Variants in ZNF536 observed in about 807,000 individuals in gnomAD.
The protein encoded by ZNF536 is zinc finger protein 536.
In ZNF536, 13 loss-of-function variants were observed where a neutral mutation model predicts 84.5. The observed-to-expected ratio is 0.15, with a 90% CI of 0.10 to 0.24. The LOEUF is 0.24. Ranked by LOEUF, ZNF536 falls within the 10% of genes least tolerant of loss-of-function variation. The probability of loss-of-function intolerance (pLI) is 1.00; values close to 1 mark genes in which losing one functional copy is unlikely to be tolerated. For synonymous variants in ZNF536, 811 were observed against 742.5 expected (o/e 1.09, Z -1.50); for missense variants, 1,536 against 1,747.5 (o/e 0.88, Z 2.16).
intron 1 of ZNF536, among the ~76,000 whole-genome samples, chr19:30,706,343 C>T (rs35402300): frequency 0.1 from 15,628 of 151,980 alleles, 1,112 homozygotes; most frequent in East Asian, 0.33. Flanking sequence ...AAAAGTTAGC[C>T]GGTCGTGGTG....
chr19:30,507,845 G>A (rs1263058160), intron 2 of ZNF536, among the ~76,000 whole-genome samples: 1 of 152,136 alleles, frequency 6.6e-6, no homozygotes, highest in African/African-American at 2.4e-5. Context: ...AGTGTTTCAT[G>A]CGCATACGTG....
At chr19:30,449,604 T>C (rs184507463) in intron 2 of ZNF536, among the ~76,000 whole-genome samples, 1 of 152,328 alleles carries the variant, frequency 6.6e-6, no homozygotes, top group East Asian at 1.9e-4. Flanking sequence ...GAAGTGTTGA[T>C]GGTGGGAAGG....
intron 2 of ZNF536, among the ~76,000 whole-genome samples, chr19:30,485,183 T>TAAATA (rs1318667262): frequency 6.6e-6 from 1 of 151,748 alleles, no homozygotes; most frequent in South Asian, 2.1e-4. Flanking sequence ...CATAAATACA[T>TAAATA]AAATAAAATA....
chr19:30,689,725 C>T (rs1157157008), intron 1 of ZNF536, among the ~76,000 whole-genome samples: 8 of 152,098 alleles, frequency 5.3e-5, no homozygotes, highest in Admixed American at 4.6e-4. Flanking sequence ...CCGTGTGTCC[C>T]GTGGAACAGG....
intron 2 of ZNF536, among the ~76,000 whole-genome samples, chr19:30,320,588 G>A (rs2046821017): frequency 1.3e-5 from 2 of 152,126 alleles, no homozygotes; most frequent in Admixed American, 6.5e-5. Flanking sequence ...GGGTTCTCTG[G>A]GCTGGATGTC....
intron 1 of ZNF536, among the ~76,000 whole-genome samples, chr19:30,436,247 G>A (rs11084552): frequency 0.96 from 146,570 of 152,334 alleles, 70,567 homozygotes; most frequent in East Asian, 1. Context: ...TGATTTGAAT[G>A]TGGTATTTTT....
chr19:30,289,350 G>A (rs1291059559), intron 2 of ZNF536, among the ~76,000 whole-genome samples: 3 of 152,144 alleles, frequency 2.0e-5, no homozygotes, highest in Non-Finnish European at 4.4e-5. Flanking sequence ...TTGTACCATC[G>A]TAACCACTGC....
At position 30,548,326 on chromosome 19, in the gene ZNF536, G is replaced by C. The variant is rs1383345214; in HGVS notation, c.2707G>C (p.Ala903Pro). The C allele has an allele frequency of 2.5e-6, 4 of 1,614,226 alleles. No homozygotes were observed. Among genetic ancestry groups the C allele is most frequent in the Non-Finnish European group, 3.4e-6 (4 of 1,180,042 alleles). ...CACCCACTTCTCTGAGATCGGAAGA[G>C]CTTATCAAAGCATTGTGAGCAACGG... ...KSTHFSEIGR[A>P]YQSIVSNGVN... The change falls in exon 4 of 5, where the codon GCT (alanine) becomes CCT (proline). Residue 903 changes from alanine to proline, a missense_variant. Ala to Pro is a conservative substitution (Grantham distance 27, BLOSUM62 -1). Transcript: ENST00000355537.
At chr19:30,398,631 C>T (rs773176512) in intron 1 of ZNF536, among the ~76,000 whole-genome samples, 12 of 152,118 alleles carry the variant, frequency 7.9e-5, no homozygotes, top group Non-Finnish European at 1.6e-4. Context: ...TGAGTGAGAA[C>T]ATGCGGTGTT....
chr19:30,232,466 T>C (rs1460434361), intron 1 of ZNF536, among the ~76,000 whole-genome samples: 2 of 151,800 alleles, frequency 1.3e-5, no homozygotes, highest in Non-Finnish European at 1.5e-5. Context: ...CCAGTATCCA[T>C]TGTTGCCATC....
At chr19:30,538,443 C>T (rs1192815573) in intron 3 of ZNF536, among the ~76,000 whole-genome samples, 1 of 152,194 alleles carries the variant, frequency 6.6e-6, no homozygotes, top group Admixed American at 6.5e-5. Context: ...AACCTCTCTC[C>T]TTTTTCTCCC....
At chr19:30,683,997 CAT>C (rs1403250279) in intron 1 of ZNF536, among the ~76,000 whole-genome samples, 1 of 152,152 alleles carries the variant, frequency 6.6e-6, no homozygotes, top group Non-Finnish European at 1.5e-5. Flanking sequence ...ACCGATCACT[CAT>C]ATATTTTTCT....
At chr19:30,315,050 T>G (rs1217522871) in intron 2 of ZNF536, among the ~76,000 whole-genome samples, 1 of 152,260 alleles carries the variant, frequency 6.6e-6, no homozygotes, top group African/African-American at 2.4e-5. Context: ...CCCTTGGCAC[T>G]TCTGCTTATT....
At chr19:30,477,071 G>A (rs538282488) in intron 2 of ZNF536, among the ~76,000 whole-genome samples, 6 of 152,212 alleles carry the variant, frequency 3.9e-5, no homozygotes, top group African/African-American at 1.2e-4. Flanking sequence ...TTACAGGCAT[G>A]AGCCATGGTA....
At chr19:30,579,568 G>A (rs2046850381) in intron 1 of ZNF536, among the ~76,000 whole-genome samples, 1 of 152,084 alleles carries the variant, frequency 6.6e-6, no homozygotes, top group Non-Finnish European at 1.5e-5. Context: ...GCCCAATTCT[G>A]CTTGCAAAGT....
intron 1 of ZNF536, among the ~76,000 whole-genome samples, chr19:30,421,098 G>A (rs1282526464): frequency 1.3e-5 from 2 of 152,174 alleles, no homozygotes; most frequent in Admixed American, 6.5e-5. Context: ...AGTAGAGCAG[G>A]CTCCTAACCA....
rs1190326864 is a variant in ZNF536 at position 30,238,106 on chromosome 19, A to G, written c.-190+9433A>G. On this transcript the variant is annotated intron_variant, in intron 1 of 5. Coordinates refer to the ZNF536 transcript ENST00000585628. The stretch of plus-strand genomic sequence containing the variant: ...GAGAAAATGATTAAGGAGCCCAGAG[A>G]CCAGCTATTCAATGAATGGCCAGCT... Among the ~76,000 whole-genome samples, 4 of 152,328 alleles carry G rather than the reference A, an allele frequency of 2.6e-5. No homozygotes were observed. In the East Asian group the frequency reaches 7.7e-4, roughly 29 times the overall value.
chr19:30,294,005 C>A (rs1215829779), intron 2 of ZNF536, among the ~76,000 whole-genome samples: 1 of 152,122 alleles, frequency 6.6e-6, no homozygotes, highest in Non-Finnish European at 1.5e-5. Flanking sequence ...TTGGTCTCTG[C>A]CTGCCTGGTT....
intron 1 of ZNF536, among the ~76,000 whole-genome samples, chr19:30,577,462 G>A (rs2046780457): frequency 6.6e-6 from 1 of 152,088 alleles, no homozygotes; most frequent in Admixed American, 6.5e-5. Context: ...TATTTCAGCA[G>A]TTTTCTGTGT....
Sources: allele counts gnomAD v4.1 joint callset (sites outside exome capture counted in the v4.1 genomes callset), GRCh38; gene constraint gnomAD v4.1.1; transcripts MANE v1.5; gene names NCBI Gene and HGNC (gene_info 2026-07-23, HGNC 2026-07-21).